Variants in SPTLC3 observed in about 807,000 individuals in gnomAD.
SPTLC3 encodes serine palmitoyltransferase 3.
A neutral mutation model predicts 59.3 loss-of-function variants in SPTLC3; 36 were observed. The ratio of observed to expected loss-of-function variants is 0.61; its 90% CI spans 0.47 to 0.80. The LOEUF (loss-of-function observed/expected upper bound fraction) is 0.80, where lower values mean the gene tolerates loss of function less well. Ranked by LOEUF, SPTLC3 falls within the 30% of genes least tolerant of loss-of-function variation. The probability of loss-of-function intolerance (pLI) is 0.00; values close to 1 mark genes in which losing one functional copy is unlikely to be tolerated. For missense variants in SPTLC3, 625 were observed against 685.1 expected, an observed-to-expected ratio of 0.91 and a Z score of 0.98; for synonymous variants, 257 against 240.8, an observed-to-expected ratio of 1.07 and a Z score of -0.62.
At chr20:13,030,382 C>G (rs1986379532) in intron 1 of SPTLC3, among the ~76,000 whole-genome samples, 1 of 152,224 alleles carries the variant, frequency 6.6e-6, no homozygotes, top group East Asian at 1.9e-4. Flanking sequence ...TGACTAACCA[C>G]AAATCACTGT....
chr20:13,091,273 C>G lies in SPTLC3; in HGVS notation c.732+66C>G, dbSNP rs1296258766. On this transcript the variant is annotated intron_variant, in intron 5 of 11. Coordinates refer to ENST00000399002, the MANE Select transcript of SPTLC3 (RefSeq NM_018327.4). The stretch of plus-strand genomic sequence containing the variant: ...CTAAGAACTGTAACTCTGAGTAGGT[C>G]CTTGTTAGAAGTATGGCTGAGATGG... The G allele has an allele frequency of 5.1e-6, 8 of 1,571,370 alleles. 1 individual carries two copies. The African/African-American group carries it at 5.4e-5, about 11-fold the overall frequency.
intron 6 of SPTLC3, among the ~76,000 whole-genome samples, chr20:13,095,841 G>A (rs989584656): frequency 5.3e-5 from 8 of 152,034 alleles, no homozygotes; most frequent in South Asian, 2.1e-4. Context: ...ACTCTTGATC[G>A]AAAGTTGGCA....
At chr20:13,093,680 C>A in intron 6 of SPTLC3, 103 bp downstream of exon 6, 1 of 989,806 alleles carries the variant, frequency 1.0e-6, no homozygotes, top group Non-Finnish European at 1.5e-6. Context: ...ACAACGTAGC[C>A]TCATGAAACA....
chr20:13,158,460 G>A lies in SPTLC3; in HGVS notation c.1416-1543G>A, dbSNP rs369682164. 3.9e-5 allele frequency among the ~76,000 whole-genome samples: 6 copies of A among 152,152 alleles called. No individual in the cohort carries two copies. The East Asian group carries it at 1.2e-3, about 29-fold the overall frequency. Reference sequence around the variant, plus strand: ...CCTTTGGCACAAAGAGAAACATGCAGACAGTGAAAGCGGTCTTCTGGGAGT... The same window carrying A: ...CCTTTGGCACAAAGAGAAACATGCAAACAGTGAAAGCGGTCTTCTGGGAGT... On this transcript the variant is annotated intron_variant, in intron 10 of 11. Coordinates refer to ENST00000399002, the MANE Select transcript of SPTLC3 (RefSeq NM_018327.4).
chr20:13,110,286 C>G (rs778511213), intron 7 of SPTLC3, 69 bp downstream of exon 7: 4 of 1,286,014 alleles, frequency 3.1e-6, no homozygotes, highest in Non-Finnish European at 4.4e-6. Context: ...CGGAAAGGCT[C>G]ACCTTTCCTA....
intron 1 of SPTLC3, among the ~76,000 whole-genome samples, chr20:13,042,715 T>C (rs974812620): frequency 4.6e-5 from 7 of 152,198 alleles, no homozygotes; most frequent in Middle Eastern, 3.2e-3. Context: ...CAAAGTAGAA[T>C]GTTTCTACTT....
chr20:13,129,911 T>G (rs1336083516), intron 9 of SPTLC3, among the ~76,000 whole-genome samples: 1 of 152,136 alleles, frequency 6.6e-6, no homozygotes, highest in Non-Finnish European at 1.5e-5. Flanking sequence ...TTAAAGCTTC[T>G]CACTTTACTC....
intron 1 of SPTLC3, among the ~76,000 whole-genome samples, chr20:13,025,127 C>A (rs183750596): frequency 6.6e-6 from 1 of 152,262 alleles, no homozygotes; most frequent in Non-Finnish European, 1.5e-5. Context: ...CAGATCACCA[C>A]GTCAGAGAAA....
chr20:13,073,061 A>T (rs1988504703), intron 3 of SPTLC3, among the ~76,000 whole-genome samples: 1 of 152,190 alleles, frequency 6.6e-6, no homozygotes, highest in African/African-American at 2.4e-5. Flanking sequence ...TTATGCCAGA[A>T]TCATTTAAAT....
chr20:13,144,022 A>G (rs1231740811), intron 9 of SPTLC3, among the ~76,000 whole-genome samples: 2 of 152,098 alleles, frequency 1.3e-5, no homozygotes, highest in Non-Finnish European at 2.9e-5. Flanking sequence ...TTTACTTACA[A>G]TGCTTCCAGG....
chr20:13,105,139 G>C (rs1989807398), intron 6 of SPTLC3, among the ~76,000 whole-genome samples: 1 of 152,128 alleles, frequency 6.6e-6, no homozygotes, highest in South Asian at 2.1e-4. Context: ...CTTGTAGAAC[G>C]ACAGAGAACC....
At chr20:13,113,772 G>C (rs1298535076) in intron 7 of SPTLC3, among the ~76,000 whole-genome samples, 2 of 152,174 alleles carry the variant, frequency 1.3e-5, no homozygotes, top group Non-Finnish European at 2.9e-5. Flanking sequence ...TGTCTTTATT[G>C]TCACATTGAT....
chr20:13,020,355 A>AAAAAAG (rs1555786643), intron 1 of SPTLC3, among the ~76,000 whole-genome samples: 69 of 149,114 alleles, frequency 4.6e-4, no homozygotes, highest in Middle Eastern at 3.5e-3. Context: ...CTTAAAAAAA[A>AAAAAAG]AAAAGAAAAA....
intron 7 of SPTLC3, among the ~76,000 whole-genome samples, chr20:13,115,579 A>G (rs747071891): frequency 6.6e-6 from 1 of 152,182 alleles, no homozygotes; most frequent in African/African-American, 2.4e-5. Context: ...CATTTTAAAG[A>G]GAAGAAAATT....
At chr20:13,069,942 G>GATT (rs2122562740) in intron 2 of SPTLC3, among the ~76,000 whole-genome samples, 1 of 152,114 alleles carries the variant, frequency 6.6e-6, no homozygotes, top group South Asian at 2.1e-4. Context: ...TGAGTTTATA[G>GATT]ATTATTATTT....
chr20:13,110,614 C>A (rs1019919111), intron 7 of SPTLC3, among the ~76,000 whole-genome samples: 1 of 152,146 alleles, frequency 6.6e-6, no homozygotes, highest in Admixed American at 6.6e-5. Flanking sequence ...GATGCCCCTA[C>A]CTGGACAGCA....
At chr20:13,027,033 G>C (rs765578840) in intron 1 of SPTLC3, among the ~76,000 whole-genome samples, 10 of 152,134 alleles carry the variant, frequency 6.6e-5, no homozygotes, top group Non-Finnish European at 1.5e-4. Flanking sequence ...GACCCCGGTG[G>C]AAGCGAGCTC....
intron 4 of SPTLC3, among the ~76,000 whole-genome samples, chr20:13,085,790 T>G (rs1296064740): frequency 6.6e-6 from 1 of 152,218 alleles, no homozygotes; most frequent in African/African-American, 2.4e-5. Context: ...ATCTTGAATC[T>G]AATTTTTGAT....
At chr20:13,079,060 T>C (rs11697759) in intron 4 of SPTLC3, among the ~76,000 whole-genome samples, 28,870 of 152,050 alleles carry the variant, frequency 0.19, 2,911 homozygotes, top group East Asian at 0.28. Context: ...TAAACTTATT[T>C]TGAAGATGTT....
Sources: gnomAD v4.1 joint callset for allele counts (sites outside exome capture counted in the v4.1 genomes callset) on GRCh38, gnomAD v4.1.1 for gene constraint, MANE v1.5 for transcripts, NCBI Gene and HGNC (gene_info 2026-07-23, HGNC 2026-07-21) for gene names.